CATSPERB: variants seen among roughly 807,000 people sequenced by gnomAD.
CATSPERB encodes cation channel sperm-associated auxiliary subunit beta.
CATSPERB carries 93 observed loss-of-function variants against 128.3 expected under a neutral mutation model. The ratio of observed to expected loss-of-function variants is 0.72; its 90% CI spans 0.61 to 0.86. CATSPERB has a LOEUF of 0.86. Ranked by LOEUF, CATSPERB falls within the 40% of genes least tolerant of loss-of-function variation. CATSPERB has a pLI of 0.00. For synonymous variants in CATSPERB, 381 were observed against 448.8 expected, an observed-to-expected ratio of 0.85 and a Z score of 1.91; for missense variants, 1,153 against 1,329.5, an observed-to-expected ratio of 0.87 and a Z score of 2.06.
intron 13 of CATSPERB, among the ~76,000 whole-genome samples, chr14:91,671,239 A>T (rs1490237626): frequency 6.6e-6 from 1 of 152,064 alleles, no homozygotes; most frequent in Non-Finnish European, 1.5e-5. Flanking sequence ...AGGAGAAGGA[A>T]AGACCACTCA....
At chr14:91,701,579 G>A (rs116184271) in intron 7 of CATSPERB, among the ~76,000 whole-genome samples, 38 of 152,200 alleles carry the variant, frequency 2.5e-4, no homozygotes, top group African/African-American at 7.7e-4. Context: ...AATGATCTGC[G>A]GAAGCTTATG....
chr14:91,730,062 G>A (rs1025279751), intron 1 of CATSPERB, among the ~76,000 whole-genome samples: 5 of 152,238 alleles, frequency 3.3e-5, no homozygotes, highest in East Asian at 3.9e-4. Context: ...ACTCCACTAC[G>A]TGTATAAGCA....
In CATSPERB at chr14:91,663,961, G is replaced by GT. The variant is rs779309284; in HGVS notation, c.1288-3981dup. Among the ~76,000 whole-genome samples the GT allele has an allele frequency of 1.2e-4, 18 of 152,172 alleles. No individual in the cohort carries two copies. The East Asian group carries it at 1.5e-3, about 13-fold the overall frequency. ...CACTGATACATCATTATCACTCAGAGTCCATAGTTTACATTAGGGACCATT... is the reference window on the plus strand; with the variant it reads ...CACTGATACATCATTATCACTCAGAGTTCCATAGTTTACATTAGGGACCATT... On this transcript the variant is annotated intron_variant, in intron 14 of 26. Transcript: ENST00000256343.
chr14:91,623,083 C>T (rs7143079), intron 18 of CATSPERB, among the ~76,000 whole-genome samples: 5 of 151,830 alleles, frequency 3.3e-5, no homozygotes, highest in South Asian at 2.1e-4. Flanking sequence ...TTAGTAGAGA[C>T]GGGGTTTCAC....
intron 7 of CATSPERB, 64 bp downstream of exon 7, chr14:91,704,487 GT>G: frequency 6.7e-7 from 1 of 1,499,918 alleles, no homozygotes; most frequent in Non-Finnish European, 8.9e-7. Context: ...TCTGCTGCCA[GT>G]TAAACATTAC....
intron 5 of CATSPERB, among the ~76,000 whole-genome samples, chr14:91,716,360 G>A (rs1403905931): frequency 3.3e-5 from 5 of 152,126 alleles, no homozygotes; most frequent in Non-Finnish European, 5.9e-5. Context: ...GGAGGCTGAG[G>A]CCAGTGGATC....
chr14:91,677,550 A>C (rs1438616245), intron 11 of CATSPERB, among the ~76,000 whole-genome samples: 1 of 152,238 alleles, frequency 6.6e-6, no homozygotes, highest in African/African-American at 2.4e-5. Flanking sequence ...TTAAAAAGCC[A>C]AGAAACAATA....
intron 14 of CATSPERB, among the ~76,000 whole-genome samples, chr14:91,667,449 GAGAT>G (rs1312246965): frequency 6.6e-6 from 1 of 152,192 alleles, no homozygotes; most frequent in Non-Finnish European, 1.5e-5. Flanking sequence ...AGGAAAGAGA[GAGAT>G]AGAAGTAGTC....
Position 91,681,036 on chromosome 14 carries a change from A to G in CATSPERB, c.931+2841T>C, listed in dbSNP as rs1489011801. ...GGACCTAAGCCCATGCCAGAAAACGATTAAGTCTCCCCACAAGGTAAACGG... is the reference window on the plus strand; with the variant it reads ...GGACCTAAGCCCATGCCAGAAAACGGTTAAGTCTCCCCACAAGGTAAACGG... On this transcript the variant is annotated intron_variant, in intron 11 of 26. Transcript: ENST00000256343. 2.0e-5 allele frequency among the ~76,000 whole-genome samples: 3 copies of G among 152,184 alleles called. No individual in the cohort carries two copies. In the East Asian group the frequency reaches 5.8e-4, roughly 29 times the overall value.
chr14:91,581,611 A>G (rs892833226), intron 26 of CATSPERB, among the ~76,000 whole-genome samples: 2 of 152,260 alleles, frequency 1.3e-5, no homozygotes, highest in Non-Finnish European at 2.9e-5. Context: ...TGCTGCCAGT[A>G]TAGGTAACTT....
chr14:91,615,178 T>C (rs984477855), intron 20 of CATSPERB, among the ~76,000 whole-genome samples: 17 of 151,966 alleles, frequency 1.1e-4, no homozygotes, highest in African/African-American at 3.6e-4. Context: ...AGGAGGTGAG[T>C]GGCAGAGAAG....
intron 5 of CATSPERB, chr14:91,709,214 G>A (rs1895788854): frequency 6.6e-6 from 1 of 152,170 alleles, no homozygotes; most frequent in African/African-American, 2.4e-5. Context: ...CCTGGACTTT[G>A]GGAGAGATAA....
At chr14:91,725,006 C>A (rs3814837) in intron 3 of CATSPERB, 74 bp downstream of exon 3, 1 of 611,912 alleles carries the variant, frequency 1.6e-6, no homozygotes, top group Admixed American at 3.4e-5. Flanking sequence ...GGAAAGAATA[C>A]AATGCTATTG....
At chr14:91,689,558 C>A (rs1052857046) in intron 10 of CATSPERB, among the ~76,000 whole-genome samples, 2 of 152,036 alleles carry the variant, frequency 1.3e-5, no homozygotes, top group Admixed American at 6.6e-5. Context: ...ATTATCTTTT[C>A]TTCAGTTTCC....
rs192070390 is a variant in CATSPERB, at chr14:91,632,148, A to C, written c.1742+4277T>G. ...AAATGTAGTTGAACTAAACTCTCCA[A>C]CTAAAGGACAGAAATTGTTAAATTG... On this transcript the variant is annotated intron_variant, in intron 17 of 26. Coordinates refer to ENST00000256343, the MANE Select transcript of CATSPERB (RefSeq NM_024764.4). Among the ~76,000 whole-genome samples, 3 of 152,320 alleles carry C rather than the reference A, an allele frequency of 2.0e-5. No individual in the cohort carries two copies. In the East Asian group the frequency reaches 5.8e-4, roughly 29 times the overall value.
At chr14:91,637,641 A>G (rs1323783192) in intron 16 of CATSPERB, among the ~76,000 whole-genome samples, 2 of 152,170 alleles carry the variant, frequency 1.3e-5, no homozygotes, top group Non-Finnish European at 2.9e-5. Flanking sequence ...ATAGGAATAA[A>G]TCGTCGTTAT....
intron 22 of CATSPERB, among the ~76,000 whole-genome samples, chr14:91,606,736 A>C (rs903255926): frequency 1.3e-5 from 2 of 152,282 alleles, no homozygotes; most frequent in East Asian, 3.9e-4. Flanking sequence ...TATCTTGTGC[A>C]TTGCTGTATC....
At position 91,719,468 on chromosome 14, in the gene CATSPERB, C is replaced by T. The variant is rs781632243; in HGVS notation, c.320G>A (p.Arg107Gln). Residue 107 changes from arginine to glutamine, a missense_variant, in exon 5 of 27, where the codon CGG (arginine) becomes CAG (glutamine). By Grantham distance (43) the Arg-to-Gln change is conservative. Coordinates refer to ENST00000256343, the MANE Select transcript of CATSPERB (RefSeq NM_024764.4). ...AGGAATATCAACCAACCACAAAATC[C>T]GATCACTGAACTTGAATAAAGAAGA... Reference protein sequence around the residue: ...FHFNLTLFSDRILWLVDIPRE... With the variant: ...FHFNLTLFSDQILWLVDIPRE... 17 of 1,610,404 alleles carry T rather than the reference C, an allele frequency of 1.1e-5. No individual in the cohort carries two copies. Among genetic ancestry groups the T allele is most frequent in the Non-Finnish European group, 1.3e-5 (15 of 1,178,006 alleles).
chr14:91,717,916 T>C (rs1219841595), intron 5 of CATSPERB, among the ~76,000 whole-genome samples: 1 of 152,206 alleles, frequency 6.6e-6, no homozygotes, highest in African/African-American at 2.4e-5. Context: ...AGCACAAAGA[T>C]ATTTCTTTTT....
Sources: allele counts gnomAD v4.1 joint callset (sites outside exome capture counted in the v4.1 genomes callset), GRCh38; gene constraint gnomAD v4.1.1; transcripts MANE v1.5; gene names NCBI Gene and HGNC (gene_info 2026-07-23, HGNC 2026-07-21).